The following PSMB2 variants were observed in gnomAD, a reference collection of about 807,000 sequenced individuals.
PSMB2 encodes proteasome 20S subunit beta 2.
Under a neutral mutation model 25.7 loss-of-function variants are expected in PSMB2, and 13 were observed. The observed-to-expected ratio is 0.51, with a 90% CI of 0.33 to 0.80. The LOEUF (loss-of-function observed/expected upper bound fraction) is 0.80. Among genes scored for constraint, PSMB2 ranks in the 30% least tolerant of loss-of-function variants. The probability of loss-of-function intolerance (pLI) is 0.02; values close to 1 mark genes in which losing one functional copy is unlikely to be tolerated. For synonymous variants in PSMB2, 87 were observed against 96.2 expected (o/e 0.90, Z 0.56); for missense variants, 202 against 259.0 (o/e 0.78, Z 1.51).
intron 3 of PSMB2, among the ~76,000 whole-genome samples, chr1:35,625,502 C>G (rs1340339488): frequency 1.3e-5 from 2 of 152,110 alleles, no homozygotes; most frequent in Non-Finnish European, 2.9e-5. Context: ...GTGGCTCATG[C>G]CTGTAATCCT....
At chr1:35,604,625 C>T (rs1411441817) in intron 5 of PSMB2, among the ~76,000 whole-genome samples, 1 of 151,994 alleles carries the variant, frequency 6.6e-6, no homozygotes, top group Non-Finnish European at 1.5e-5. Context: ...ACTAAAAATA[C>T]AAAAAACTAG....
intron 3 of PSMB2, among the ~76,000 whole-genome samples, chr1:35,624,885 ACC>A (rs988713250): frequency 6.6e-6 from 1 of 151,394 alleles, no homozygotes; most frequent in African/African-American, 2.4e-5. Context: ...ACACGATGAA[ACC>A]CCGTCTCTAC....
At position 35,625,634 on chromosome 1, in the gene PSMB2, C is replaced by T. The variant is rs566473445; in HGVS notation, c.285+5640G>A. 5.9e-5 allele frequency among the ~76,000 whole-genome samples: 9 copies of T among 151,612 alleles called. No individual in the cohort carries two copies. In the East Asian group the frequency reaches 7.9e-4, roughly 13 times the overall value. On this transcript the variant is annotated intron_variant, in intron 3 of 5. Coordinates refer to ENST00000373237, the MANE Select transcript of PSMB2 (RefSeq NM_002794.5). ...AAAAGTAGCCAGGCATGGTGACGGG[C>T]GCCTGTAGTCCCAGCTACTCAGGAG...
Position 35,599,603 on chromosome 1 carries a change from G to A in PSMB2, c.*3664C>T, listed in dbSNP as rs921200040. 6.1e-6 allele frequency: 6 copies of A among 984,770 alleles called. No individual in the cohort carries two copies. The highest frequency in any genetic ancestry group is 5.2e-4 in the Middle Eastern group (1 of 1,936). 61.0% of individuals were successfully genotyped at this position (984,770 alleles called of 1,614,324 possible). A position where few individuals can be genotyped will look rare whatever the true frequency, so the allele number is the denominator to read the frequency against. On this transcript the variant is annotated 3_prime_UTR_variant, in exon 6 of 6. Coordinates refer to ENST00000373237, the MANE Select transcript of PSMB2 (RefSeq NM_002794.5). Reference sequence around the variant, plus strand: ...GGAAAGGAAGTGGGGAGTTAGGTTCGGAGAGGATTATGGAATGCCTAGCAT... The same window carrying A: ...GGAAAGGAAGTGGGGAGTTAGGTTCAGAGAGGATTATGGAATGCCTAGCAT...
intron 3 of PSMB2, among the ~76,000 whole-genome samples, chr1:35,618,959 A>G (rs1650593258): frequency 6.6e-6 from 1 of 152,248 alleles, no homozygotes; most frequent in Non-Finnish European, 1.5e-5. Context: ...CTGGGAAATA[A>G]GGAGGCAAGT....
chr1:35,620,396 CAAATGCTCCATCAAAGAA>C (rs1650644737), intron 3 of PSMB2, among the ~76,000 whole-genome samples: 1 of 152,152 alleles, frequency 6.6e-6, no homozygotes, highest in African/African-American at 2.4e-5. Flanking sequence ...ATTCTTTCCC[CAAATGCTCCATCAAAGAA>C]CAGCCAACGA....
rs1017052499 is a variant in PSMB2, at chr1:35,600,681, A to G, written c.*2586T>C. 9 of 985,382 alleles carry G rather than the reference A, an allele frequency of 9.1e-6. No individual in the cohort carries two copies. The highest frequency in any genetic ancestry group is 9.6e-6 in the Non-Finnish European group (8 of 829,902). The allele number at this position is 985,382 out of a possible 1,614,324, so 61.0% of individuals were successfully genotyped here. On this transcript the variant is annotated 3_prime_UTR_variant, in exon 6 of 6. Coordinates refer to ENST00000373237, the MANE Select transcript of PSMB2 (RefSeq NM_002794.5). ...CCTAAATCTGGAGGGTGAGCTATCT[A>G]GGAATGAGTTGATTTGGAGCTCAGG...
Position 35,600,323 on chromosome 1 carries a change from A to G in PSMB2, c.*2944T>C, listed in dbSNP as rs1649953475. ...GAAGAAAATTAGTGGAAAAACTGGT[A>G]AAATCTGAATAAAGCCTGGAGCTTA... On this transcript the variant is annotated 3_prime_UTR_variant, in exon 6 of 6. Coordinates refer to ENST00000373237, the MANE Select transcript of PSMB2 (RefSeq NM_002794.5). The G allele has an allele frequency of 1.1e-6, 1 of 926,088 alleles. No homozygotes were observed. The highest frequency in any genetic ancestry group is 1.3e-6 in the Non-Finnish European group (1 of 776,094). 57.4% of individuals were successfully genotyped at this position (926,088 alleles called of 1,614,324 possible).
At chr1:35,619,679 T>C (rs1351908629) in intron 3 of PSMB2, among the ~76,000 whole-genome samples, 1 of 152,268 alleles carries the variant, frequency 6.6e-6, no homozygotes, top group Admixed American at 6.5e-5. Flanking sequence ...AAAGTTACTA[T>C]AAATTTTACT....
chr1:35,606,393 A>G (rs979762033), intron 4 of PSMB2, among the ~76,000 whole-genome samples: 3 of 152,234 alleles, frequency 2.0e-5, no homozygotes, highest in Non-Finnish European at 2.9e-5. Context: ...CAGTATTTCT[A>G]TACACAAACT....
intron 3 of PSMB2, among the ~76,000 whole-genome samples, chr1:35,620,322 A>G (rs1346913420): frequency 1.2e-4 from 19 of 152,176 alleles, no homozygotes; most frequent in Admixed American, 1.2e-3. Flanking sequence ...CCCAGATCCA[A>G]CAAAAGTTAT....
chr1:35,631,233 A>G, intron 3 of PSMB2, 41 bp downstream of exon 3: 2 of 1,581,266 alleles, frequency 1.3e-6, no homozygotes, highest in Non-Finnish European at 1.7e-6. Flanking sequence ...AGCACAAAGG[A>G]TTTTTCTGCT....
At chr1:35,627,664 G>C (rs1161434439) in intron 3 of PSMB2, among the ~76,000 whole-genome samples, 1 of 152,056 alleles carries the variant, frequency 6.6e-6, no homozygotes, top group Non-Finnish European at 1.5e-5. Context: ...AAAAGTAAGA[G>C]CTTTGCATTA....
At chr1:35,631,838 T>C (rs1034803033) in intron 2 of PSMB2, among the ~76,000 whole-genome samples, 5 of 152,032 alleles carry the variant, frequency 3.3e-5, no homozygotes, top group African/African-American at 9.7e-5. Context: ...CTGGGCAACA[T>C]AGTGAGACCC....
intron 1 of PSMB2, among the ~76,000 whole-genome samples, chr1:35,640,454 A>C (rs1427519615): frequency 6.6e-6 from 1 of 152,142 alleles, no homozygotes; most frequent in East Asian, 1.9e-4. Context: ...CAATCTCTTA[A>C]CTCCATTAAC....
chr1:35,605,398 A>T, intron 4 of PSMB2, 116 bp from the exon 5 acceptor site: 1 of 1,019,128 alleles, frequency 9.8e-7, no homozygotes, highest in Non-Finnish European at 1.5e-6. Context: ...ACACAAACGT[A>T]AAAGGCAAAA....
chr1:35,631,184 G>T, intron 3 of PSMB2, 90 bp downstream of exon 3: 1 of 1,391,422 alleles, frequency 7.2e-7, no homozygotes, highest in East Asian at 2.3e-5. Flanking sequence ...GCCAAAAAAG[G>T]GCAAAAATAC....
Position 35,641,480 on chromosome 1 carries a change from C to T in PSMB2, c.-48G>A, listed in dbSNP as rs1651395359. ...CAGGTCCGACACAGCACGAGACTCG[C>T]CCGCTTCCAGGTCTCACCGGTGAGA... On this transcript the variant is annotated 5_prime_UTR_variant, in exon 1 of 6. Coordinates refer to ENST00000373237, the MANE Select transcript of PSMB2 (RefSeq NM_002794.5). The T allele has an allele frequency of 6.2e-7, 1 of 1,612,462 alleles. No individual in the cohort carries two copies. Among genetic ancestry groups the T allele is most frequent in the East Asian group, 2.2e-5 (1 of 44,814 alleles).
Position 35,600,222 on chromosome 1 carries a change from G to A in PSMB2, c.*3045C>T. 1.0e-6 allele frequency: 1 copy of A among 985,392 alleles called. No individual in the cohort carries two copies. The highest frequency in any genetic ancestry group is 1.1e-4 in the East Asian group (1 of 8,820). 61.0% of individuals were successfully genotyped at this position (985,392 alleles called of 1,614,324 possible). On this transcript the variant is annotated 3_prime_UTR_variant, in exon 6 of 6. Coordinates refer to ENST00000373237, the MANE Select transcript of PSMB2 (RefSeq NM_002794.5). The stretch of plus-strand genomic sequence containing the variant: ...TGCCAGAACTTGGTGGCCATGTAGA[G>A]ACAGGAGATAAAGAATGGCATAAAA...
Sources: gnomAD v4.1 joint callset for allele counts (sites outside exome capture counted in the v4.1 genomes callset) on GRCh38, gnomAD v4.1.1 for gene constraint, MANE v1.5 for transcripts, NCBI Gene and HGNC (gene_info 2026-07-23, HGNC 2026-07-21) for gene names.